The following MTHFD1L variants were observed in gnomAD, a reference collection of about 807,000 sequenced individuals.
MTHFD1L encodes methylenetetrahydrofolate dehydrogenase (NADP+ dependent) 1 like.
A neutral mutation model predicts 119.5 loss-of-function variants in MTHFD1L; 81 were observed. The observed-to-expected ratio is 0.68, with a 90% confidence interval of 0.57 to 0.82. MTHFD1L has a LOEUF of 0.82. Among genes scored for constraint, MTHFD1L ranks in the 40% least tolerant of loss-of-function variants. The probability of loss-of-function intolerance (pLI) is 0.00; values close to 1 mark genes in which losing one functional copy is unlikely to be tolerated. For missense variants in MTHFD1L, 1,125 were observed against 1,253.4 expected (o/e 0.90, Z 1.55); for synonymous variants, 430 against 475.2 (o/e 0.90, Z 1.24).
chr6:151,015,371 AT>A, intron 23 of MTHFD1L, 144 bp from the exon 24 acceptor site: 1 of 909,406 alleles, frequency 1.1e-6, no homozygotes, highest in Non-Finnish European at 1.6e-6. Flanking sequence ...TTTAAGTCTG[AT>A]TTATTTAAAC....
At chr6:151,093,829 A>G (rs6912605) in intron 27 of MTHFD1L, among the ~76,000 whole-genome samples, 130 of 152,294 alleles carry the variant, frequency 8.5e-4, no homozygotes, top group African/African-American at 3.0e-3. Flanking sequence ...AGAGGGCCCC[A>G]TGGGTTCCAG....
intron 24 of MTHFD1L, among the ~76,000 whole-genome samples, chr6:151,021,810 A>G (rs1783984114): frequency 6.6e-6 from 1 of 152,254 alleles, no homozygotes; most frequent in Non-Finnish European, 1.5e-5. Context: ...CCTTAGTGAT[A>G]TCATAAAACA....
At chr6:150,967,011 C>T (rs1467192813) in intron 19 of MTHFD1L, among the ~76,000 whole-genome samples, 1 of 152,184 alleles carries the variant, frequency 6.6e-6, no homozygotes, top group Non-Finnish European at 1.5e-5. Context: ...GGCAGGTTGT[C>T]CTTCCCGTCT....
intron 24 of MTHFD1L, chr6:151,016,840 T>A: frequency 5.1e-6 from 1 of 197,774 alleles, no homozygotes. Flanking sequence ...TGGCGTGATC[T>A]CGGCTCACTG....
intron 8 of MTHFD1L, among the ~76,000 whole-genome samples, chr6:150,906,787 A>G (rs1440267002): frequency 6.6e-6 from 1 of 152,144 alleles, no homozygotes; most frequent in African/African-American, 2.4e-5. Context: ...AGCCCTAGCC[A>G]GAGGTTGTTA....
chr6:151,095,427 T>G (rs1222627521), intron 27 of MTHFD1L, among the ~76,000 whole-genome samples: 1 of 152,230 alleles, frequency 6.6e-6, no homozygotes, highest in Non-Finnish European at 1.5e-5. Context: ...TTCTCCCATC[T>G]CTCTTGGACA....
intron 20 of MTHFD1L, among the ~76,000 whole-genome samples, chr6:151,005,858 G>A (rs1263575247): frequency 4.0e-5 from 6 of 151,002 alleles, no homozygotes; most frequent in Non-Finnish European, 5.9e-5. Context: ...TATCTTTATC[G>A]GATATGACAT....
intron 27 of MTHFD1L, among the ~76,000 whole-genome samples, chr6:151,098,462 C>G: frequency 6.6e-6 from 1 of 152,244 alleles, no homozygotes; most frequent in East Asian, 1.9e-4. Context: ...CTGAGCCATC[C>G]GAGGAGTGCT....
intron 24 of MTHFD1L, among the ~76,000 whole-genome samples, chr6:151,024,534 C>A (rs1267814693): frequency 6.7e-6 from 1 of 150,150 alleles, no homozygotes; most frequent in African/African-American, 2.5e-5. Context: ...CAGAGCCAAG[C>A]TCAAAAAAAA....
At chr6:151,036,685 A>G (rs1224505461) in intron 25 of MTHFD1L, among the ~76,000 whole-genome samples, 1 of 152,156 alleles carries the variant, frequency 6.6e-6, no homozygotes, top group African/African-American at 2.4e-5. Flanking sequence ...GAAAATAGCC[A>G]TGCTTTCCCC....
At position 150,943,479 on chromosome 6, in the gene MTHFD1L, G is replaced by GA. The variant is rs1489175483; in HGVS notation, c.1441-999dup. On this transcript the variant is annotated intron_variant, in intron 13 of 27. Coordinates refer to ENST00000367321, the MANE Select transcript of MTHFD1L (RefSeq NM_015440.5). ...GACTGTGTCTCTACAGAAAAAAAAA[G>GA]AAAAAAAAGAAAAGAAAGAGAGCTC... 2.0e-5 allele frequency among the ~76,000 whole-genome samples: 3 copies of GA among 150,574 alleles called. No individual in the cohort carries two copies. The East Asian group carries it at 5.8e-4, about 29-fold the overall frequency.
intron 20 of MTHFD1L, among the ~76,000 whole-genome samples, chr6:151,001,907 C>A (rs1181441861): frequency 6.6e-6 from 1 of 152,052 alleles, no homozygotes; most frequent in African/African-American, 2.4e-5. Context: ...CTAAAAGAGA[C>A]AACAAGCACT....
At chr6:151,085,850 G>A (rs116321951) in intron 26 of MTHFD1L, among the ~76,000 whole-genome samples, 117 of 152,216 alleles carry the variant, frequency 7.7e-4, no homozygotes, top group African/African-American at 2.7e-3. Context: ...GCAGGGACCA[G>A]GTCTTGGTCA....
chr6:150,980,374 CCTTT>C (rs1234513841), intron 20 of MTHFD1L, among the ~76,000 whole-genome samples: 1 of 152,190 alleles, frequency 6.6e-6, no homozygotes, highest in East Asian at 1.9e-4. Flanking sequence ...TCCTACCTCC[CCTTT>C]CTCTTTCCAC....
chr6:151,026,656 T>C (rs1188913845), intron 24 of MTHFD1L, among the ~76,000 whole-genome samples: 6 of 152,054 alleles, frequency 3.9e-5, no homozygotes, highest in Admixed American at 1.3e-4. Context: ...GACACAAGTG[T>C]AGACACCAGG....
intron 26 of MTHFD1L, among the ~76,000 whole-genome samples, chr6:151,092,216 A>C (rs1794517572): frequency 6.6e-6 from 1 of 152,166 alleles, no homozygotes; most frequent in Non-Finnish European, 1.5e-5. Flanking sequence ...ACTGTTTTGT[A>C]GTTCGGGTGT....
chr6:150,908,517 C>T (rs1786312897), intron 8 of MTHFD1L, among the ~76,000 whole-genome samples: 1 of 151,470 alleles, frequency 6.6e-6, no homozygotes, highest in Admixed American at 6.6e-5. Flanking sequence ...ATACCAGCTA[C>T]TCGGGAAGCT....
rs1301060718 is a variant in MTHFD1L, at chr6:150,887,932, G to C, written c.731G>C (p.Gly244Ala). The C allele has an allele frequency of 6.2e-7, 1 of 1,609,584 alleles. No individual in the cohort carries two copies. Among genetic ancestry groups the C allele is most frequent in the East Asian group, 2.2e-5 (1 of 44,750 alleles). ...AALQCLFQRK[G>A]SMTMSIQWKT... ...CTACAATGCCTGTTCCAGAGAAAAG[G>C]GTCCATGACAATGAGCATCCAGTGG... The change falls in exon 7 of 28, where the codon GGG becomes GCG. Residue 244 changes from glycine to alanine, a missense_variant. By Grantham distance (60) the Gly-to-Ala change is moderately conservative (BLOSUM62 0). This residue lies in a region of MTHFD1L where 1,058 missense variants were observed against 1,151.2 expected (regional missense o/e 0.92). Coordinates refer to ENST00000367321, the MANE Select transcript of MTHFD1L (RefSeq NM_015440.5).
chr6:150,933,849 T>A (rs1791587551), intron 11 of MTHFD1L, among the ~76,000 whole-genome samples: 1 of 152,156 alleles, frequency 6.6e-6, no homozygotes, highest in Non-Finnish European at 1.5e-5. Context: ...ACTCCCTAGC[T>A]CAAGCAGTCC....
Sources: allele counts gnomAD v4.1 joint callset (sites outside exome capture counted in the v4.1 genomes callset), GRCh38; gene constraint gnomAD v4.1.1; regional missense constraint gnomAD v4.1.1; transcripts MANE v1.5; gene names NCBI Gene and HGNC (gene_info 2026-07-23, HGNC 2026-07-21).